MFSD11: variants seen among roughly 807,000 people sequenced by gnomAD.
The protein encoded by MFSD11 is major facilitator superfamily domain containing 11.
MFSD11 carries 36 observed loss-of-function variants against 53.5 expected under a neutral mutation model. The observed-to-expected ratio is 0.67, with a 90% CI of 0.52 to 0.89. The LOEUF (loss-of-function observed/expected upper bound fraction) is 0.89. Ranked by LOEUF, MFSD11 falls within the 40% of genes least tolerant of loss-of-function variation. MFSD11 has a pLI of 0.00. For missense variants in MFSD11, 530 were observed against 543.9 expected (o/e 0.97, Z 0.25); for synonymous variants, 186 against 184.9 (o/e 1.01, Z -0.05).
chr17:76,771,582 A>G (rs1212304173), intron 10 of MFSD11, among the ~76,000 whole-genome samples: 2 of 152,234 alleles, frequency 1.3e-5, no homozygotes, highest in African/African-American at 4.8e-5. Context: ...CACCATGGGT[A>G]AAGCGGACTT....
chr17:76,774,949 G>A lies in MFSD11; in HGVS notation c.875-48G>A, dbSNP rs2081679398. 1.3e-5 allele frequency: 21 copies of A among 1,583,396 alleles called. No homozygotes were observed. In the East Asian group the frequency reaches 4.7e-4, roughly 36 times the overall value. Reference sequence around the variant, plus strand: ...TTGGTGGTAACTCAGGCCTGGGTATGTGATGTTTCGGCAACATTAGTGACG... The same window carrying A: ...TTGGTGGTAACTCAGGCCTGGGTATATGATGTTTCGGCAACATTAGTGACG... On this transcript the variant is annotated intron_variant, in intron 10 of 12. Coordinates refer to ENST00000685175, the MANE Select transcript of MFSD11 (RefSeq NM_001242532.5).
intron 12 of MFSD11, among the ~76,000 whole-genome samples, chr17:76,777,315 G>C (rs962817499): frequency 6.6e-6 from 1 of 151,992 alleles, no homozygotes; most frequent in Non-Finnish European, 1.5e-5. Flanking sequence ...GTCCAGACTG[G>C]AGTGCAGTGG....
intron 12 of MFSD11, among the ~76,000 whole-genome samples, chr17:76,777,537 T>G (rs1231126969): frequency 6.6e-6 from 1 of 152,168 alleles, no homozygotes; most frequent in East Asian, 1.9e-4. Flanking sequence ...CCCGGCTATA[T>G]TGTGTTTCTT....
At chr17:76,794,589 C>T in the MFSD11 span, among the ~76,000 whole-genome samples, 224 of 137,380 alleles carry the variant, frequency 1.6e-3, 5 homozygotes, top group African/African-American at 6.0e-3. Flanking sequence ...TTGCAGTGAG[C>T]CAAGATCATG....
At chr17:76,766,188 G>A (rs2080833536) in intron 8 of MFSD11, among the ~76,000 whole-genome samples, 1 of 151,622 alleles carries the variant, frequency 6.6e-6, no homozygotes, top group Admixed American at 6.6e-5. Context: ...AGGCCGAGGT[G>A]GGTGGATCAC....
At chr17:76,758,044 A>C (rs1447877685) in intron 8 of MFSD11, among the ~76,000 whole-genome samples, 1 of 152,140 alleles carries the variant, frequency 6.6e-6, no homozygotes, top group Non-Finnish European at 1.5e-5. Context: ...AAAGAAGGCA[A>C]GAGACTTATC....
chr17:76,761,075 A>C (rs1256382607), intron 8 of MFSD11, among the ~76,000 whole-genome samples: 1 of 151,950 alleles, frequency 6.6e-6, no homozygotes, highest in African/African-American at 2.4e-5. Context: ...CACGGTGGTG[A>C]GTGCCTGTAA....
chr17:76,753,627 G>A (rs1294993024), intron 7 of MFSD11, among the ~76,000 whole-genome samples: 1 of 149,708 alleles, frequency 6.7e-6, no homozygotes, highest in East Asian at 2.0e-4. Flanking sequence ...GGTGGGGGTT[G>A]CAGTGAGCTG....
At chr17:76,791,073 C>T in the MFSD11 span, among the ~76,000 whole-genome samples, 1 of 148,662 alleles carries the variant, frequency 6.7e-6, no homozygotes, top group Non-Finnish European at 1.5e-5. Flanking sequence ...CAAACTTGAC[C>T]TTCTTTTTAA....
At position 76,778,929 on chromosome 17, in the gene MFSD11, G is replaced by C. The variant is rs1238227516; in HGVS notation, c.*577G>C. 6.5e-6 allele frequency: 1 copy of C among 152,920 alleles called. No homozygotes were observed. Among genetic ancestry groups the C allele is most frequent in the East Asian group, 1.9e-4 (1 of 5,198 alleles). 9.5% of individuals were successfully genotyped at this position (152,920 alleles called of 1,614,324 possible). The stretch of plus-strand genomic sequence containing the variant: ...GCTATGATCACACCACTGCACTCCA[G>C]GCTGGGCAACAGAGTGAGACCCTGT... On this transcript the variant is annotated 3_prime_UTR_variant, in exon 13 of 13. Transcript: ENST00000685175.
upstream of MFSD11, chr17:76,736,665 G>A (rs1316282054): frequency 5.8e-6 from 7 of 1,212,708 alleles, no homozygotes; most frequent in South Asian, 2.3e-5. Context: ...GGTGGCCGGA[G>A]GGTCGCGAGA....
chr17:76,780,433 G>C (rs2082131298), downstream of MFSD11, among the ~76,000 whole-genome samples: 1 of 151,444 alleles, frequency 6.6e-6, no homozygotes. Flanking sequence ...GCCTCGCAAA[G>C]TGCTGGGGGG....
intron 10 of MFSD11, among the ~76,000 whole-genome samples, chr17:76,770,789 G>A (rs1044967620): frequency 1.3e-5 from 2 of 152,170 alleles, no homozygotes; most frequent in Admixed American, 6.5e-5. Context: ...AGGTGCAAAG[G>A]GTGGGGTCTG....
rs540205612 is a variant in MFSD11 at position 76,756,012 on chromosome 17, T to C, written c.682+1925T>C. ...CTAATTTTTGTATTTTTAGTAGAGA[T>C]GGGATTTCTCCACGTTGGTTAGGCT... On this transcript the variant is annotated intron_variant, in intron 8 of 12. Transcript: ENST00000685175. 8.3e-4 allele frequency among the ~76,000 whole-genome samples: 124 copies of C among 149,232 alleles called. No homozygotes were observed. In the South Asian group the frequency reaches 0.013, roughly 16 times the overall value.
At chr17:76,740,889 C>G in intron 2 of MFSD11, 68 bp from the exon 3 acceptor site, 1 of 848,850 alleles carries the variant, frequency 1.2e-6, no homozygotes, top group South Asian at 1.5e-5. Context: ...GGATTTTAAA[C>G]AGTGACACAG....
intron 8 of MFSD11, among the ~76,000 whole-genome samples, chr17:76,766,455 T>TAAATA (rs1384767852): frequency 6.7e-6 from 1 of 150,030 alleles, no homozygotes; most frequent in South Asian, 2.1e-4. Context: ...CCTAAATAAA[T>TAAATA]AAATAAAATA....
At chr17:76,774,896 C>A in intron 10 of MFSD11, 101 bp from the exon 11 acceptor site, 2 of 1,200,756 alleles carry the variant, frequency 1.7e-6, no homozygotes, top group Non-Finnish European at 2.3e-6. Flanking sequence ...AGAAATTTAA[C>A]AAGTGAGAAT....
the MFSD11 span, among the ~76,000 whole-genome samples, chr17:76,788,526 C>T: frequency 1.7e-4 from 25 of 148,732 alleles, no homozygotes; most frequent in Admixed American, 3.4e-4. Flanking sequence ...CCACCACGCC[C>T]GGCTAATTTT....
downstream of MFSD11, among the ~76,000 whole-genome samples, chr17:76,782,132 C>T (rs1471906301): frequency 6.6e-6 from 1 of 150,514 alleles, no homozygotes; most frequent in African/African-American, 2.4e-5. Context: ...TCTCCCCCGC[C>T]CCCGGCCCCT....
Sources: allele counts gnomAD v4.1 joint callset (sites outside exome capture counted in the v4.1 genomes callset), GRCh38; gene constraint gnomAD v4.1.1; transcripts MANE v1.5; gene names NCBI Gene and HGNC (gene_info 2026-07-23, HGNC 2026-07-21).